The following ZAN variants were observed in gnomAD, a reference collection of about 807,000 sequenced individuals.
ZAN encodes zonadhesin, also known as zonadhesin (gene/pseudogene).
In ZAN, 260 loss-of-function variants were observed where a neutral mutation model predicts 286.2. The observed-to-expected ratio is 0.91, with a 90% confidence interval of 0.82 to 1.01. The LOEUF (loss-of-function observed/expected upper bound fraction) is 1.01, where lower values mean the gene tolerates loss of function less well. ZAN is among the 50% of genes least tolerant of loss of function. ZAN has a pLI of 0.00. For missense variants in ZAN, 3,410 were observed against 3,639.2 expected, an observed-to-expected ratio of 0.94 and a Z score of 1.62; for synonymous variants, 1,368 against 1,417.5, an observed-to-expected ratio of 0.97 and a Z score of 0.79.
rs545504927 is a variant in ZAN at position 100,776,773 on chromosome 7, C to T, written c.6317+209C>T. 9.7e-3 allele frequency among the ~76,000 whole-genome samples: 1,237 copies of T among 128,136 alleles called. 19 individuals carry two copies. The highest frequency in any genetic ancestry group is 0.015 in the Non-Finnish European group (928 of 62,366). The allele number at this position is 128,136 out of a possible 152,430, so 84.1% of individuals were successfully genotyped here. On this transcript the variant is annotated intron_variant, in intron 34 of 47. Coordinates refer to ENST00000613979, the MANE Select transcript of ZAN (RefSeq NM_003386.3). ...CGGAGTCTTGCTCTGTCGCCCAGGC[C>T]GGACTGCGGACTGCAGTGGCGCAAT...
intron 45 of ZAN, among the ~76,000 whole-genome samples, chr7:100,795,766 T>TGTGCTAAAAATACAAAAAGTTA (rs1300800631): frequency 1.3e-5 from 2 of 151,248 alleles, no homozygotes; most frequent in African/African-American, 4.9e-5. Context: ...GTTAGCCGGG[T>TGTGCTAAAAATACAAAAAGTTA]GTGGTGGTGT....
intron 7 of ZAN, among the ~76,000 whole-genome samples, chr7:100,742,889 G>GGGGGAGGGGGAGAGGGAGGGGGAGGGGGA (rs1562915052): frequency 1.8e-5 from 1 of 56,378 alleles, no homozygotes; most frequent in Non-Finnish European, 4.2e-5. Flanking sequence ...GGGAGGGGGA[G>GGGGGAGGGGGAGAGGGAGGGGGAGGGGGA]GGGGACGGGG....
Position 100,767,995 on chromosome 7 carries a change from G to A in ZAN, c.5025G>A (p.Gln1675=), listed in dbSNP as rs779163318. Reference sequence around the variant, plus strand: ...CAGTCCCCTCCTCCTATGGCGGCCAGCTCTGTGGGCTGTGTGGTGAGTTTC... The same window carrying A: ...CAGTCCCCTCCTCCTATGGCGGCCAACTCTGTGGGCTGTGTGGTGAGTTTC... ...EVTVPSSYGG[Q]LCGLCGNYNN... Residue 1675 remains glutamine, a synonymous_variant, in exon 26 of 48, where the codon CAG becomes CAA. Coordinates refer to ENST00000613979, the MANE Select transcript of ZAN (RefSeq NM_003386.3). 6.2e-7 allele frequency: 1 copy of A among 1,612,764 alleles called. No individual in the cohort carries two copies. Among genetic ancestry groups the A allele is most frequent in the Non-Finnish European group, 8.5e-7 (1 of 1,179,242 alleles).
intron 18 of ZAN, 137 bp downstream of exon 18, chr7:100,759,982 A>T: frequency 6.6e-6 from 9 of 1,360,226 alleles, no homozygotes; most frequent in Non-Finnish European, 8.7e-6. Context: ...GGGAGGCTAA[A>T]GTGGGAGGAT....
intron 11 of ZAN, among the ~76,000 whole-genome samples, chr7:100,749,484 C>CA (rs1244488271): frequency 6.8e-6 from 1 of 146,480 alleles, no homozygotes; most frequent in Non-Finnish European, 1.5e-5. Flanking sequence ...ACTAAAAACA[C>CA]AAAAAATTAG....
At chr7:100,764,278 G>T in intron 22 of ZAN, 82 bp downstream of exon 22, 2 of 1,417,020 alleles carry the variant, frequency 1.4e-6, no homozygotes, top group South Asian at 3.1e-5. Flanking sequence ...TCCGAGGCAG[G>T]TGGATCATGA....
At position 100,760,454 on chromosome 7, in the gene ZAN, G is replaced by A. The variant is rs745368314; in HGVS notation, c.3760G>A (p.Gly1254Arg). Residue 1254 changes from glycine to arginine, a missense_variant, in exon 19 of 48, where the codon GGG becomes AGG. Physicochemically the swap from Gly to Arg is moderately radical, Grantham distance 125 (BLOSUM62 -2). This residue lies in a region of ZAN where 1,042 missense variants were observed against 1,058.0 expected (regional missense o/e 0.98). Coordinates refer to ENST00000613979, the MANE Select transcript of ZAN (RefSeq NM_003386.3). Reference protein sequence around the residue: ...PSKGVFLGASGRFVELQTEFG... With the variant: ...PSKGVFLGASRRFVELQTEFG... ...TAAAGGCGTCTTCCTGGGTGCAAGC[G>A]GGCGGTTTGTGGAGCTGCAGACGGA... The A allele has an allele frequency of 8.7e-6, 14 of 1,613,824 alleles. No homozygotes were observed. Among genetic ancestry groups the A allele is most frequent in the East Asian group, 2.2e-5 (1 of 44,894 alleles).
chr7:100,742,858 C>G (rs867929926), intron 7 of ZAN, among the ~76,000 whole-genome samples: 6 of 7,308 alleles, frequency 8.2e-4, no homozygotes, highest in Middle Eastern at 0.1. Context: ...GAGAGGGAGA[C>G]GGAGACGGAG....
chr7:100,755,443 G>GT (rs1408030708), intron 15 of ZAN, 33 bp downstream of exon 15: 13 of 1,600,640 alleles, frequency 8.1e-6, no homozygotes, highest in Non-Finnish European at 1.1e-5. Flanking sequence ...GTCCCATGAG[G>GT]GAGATTGATG....
In ZAN at chr7:100,746,165, T is replaced by C. The variant is rs1387213113; in HGVS notation, c.767-373T>C. ...ATCACCTGAGCCCGGGGAGGTTGAG[T>C]CTGCAGTGAACCATGAGAGCCATGA... On this transcript the variant is annotated intron_variant, in intron 7 of 47. Transcript: ENST00000613979. 2.6e-5 allele frequency among the ~76,000 whole-genome samples: 4 copies of C among 151,750 alleles called. No homozygotes were observed. The East Asian group carries it at 5.8e-4, about 22-fold the overall frequency.
intron 19 of ZAN, among the ~76,000 whole-genome samples, chr7:100,761,340 CA>C (rs923610904): frequency 2.0e-5 from 3 of 151,968 alleles, no homozygotes; most frequent in African/African-American, 2.4e-5. Flanking sequence ...CATATCTCCA[CA>C]AAAAAATTTA....
rs1266927803 is a variant in ZAN at position 100,748,469 on chromosome 7, A to G, written c.1248A>G (p.Ala416=). ...GMGPAGGFPN[A]GGHYIYLEAD... ...GCCCTGCGGGAGGTTTCCCTAATGC[A>G]GGTGAGGAGATTGAGGAGCGCTCAC... is the stretch of plus-strand genomic sequence containing the variant. Residue 416 remains alanine, a splice_region_variant and synonymous_variant, in exon 11 of 48, where the codon GCA becomes GCG. Coordinates refer to ENST00000613979, the MANE Select transcript of ZAN (RefSeq NM_003386.3). 1.2e-6 allele frequency: 2 copies of G among 1,610,220 alleles called. No homozygotes were observed. The highest frequency in any genetic ancestry group is 2.7e-5 in the African/African-American group (2 of 74,892).
Position 100,735,937 on chromosome 7 carries a change from C to G in ZAN, c.106+165C>G, listed in dbSNP as rs769195085. Among the ~76,000 whole-genome samples the G allele has an allele frequency of 4.2e-5, 6 of 141,220 alleles. 1 individual carries two copies. The highest frequency in any genetic ancestry group is 6.3e-5 in the Non-Finnish European group (4 of 63,018). The allele number at this position is 141,220 out of a possible 152,430, so 92.6% of individuals were successfully genotyped here. A position where few individuals can be genotyped will look rare whatever the true frequency, so the allele number is the denominator to read the frequency against. On this transcript the variant is annotated intron_variant, in intron 3 of 47. Transcript: ENST00000613979. ...GTGTCCTGCCAGGCCAAGTCCAGCC[C>G]TCCAACCTCAGTTCATGACCCCGGA...
chr7:100,764,069 C>A lies in ZAN; in HGVS notation c.4140C>A (p.Ser1380Arg). The A allele has an allele frequency of 6.2e-7, 1 of 1,613,856 alleles. No individual in the cohort carries two copies. The highest frequency in any genetic ancestry group is 8.5e-7 in the Non-Finnish European group (1 of 1,179,838). ...LHVKAASFFD[S>R]CMLDMCGFQG... Reference sequence around the variant, plus strand: ...TGAAGGCCGCTTCCTTCTTCGACAGCTGCATGCTTGATATGTGCGGATTCC... The same window carrying A: ...TGAAGGCCGCTTCCTTCTTCGACAGATGCATGCTTGATATGTGCGGATTCC... Residue 1380 changes from serine (S) to arginine (R), a missense_variant, in exon 22 of 48, where the codon AGC becomes AGA. Transcript: ENST00000613979.
chr7:100,783,791 T>TATATATACACAC (rs1554409793), intron 35 of ZAN, among the ~76,000 whole-genome samples: 1 of 14,938 alleles, frequency 6.7e-5, no homozygotes, highest in African/African-American at 1.2e-4. Context: ...TATACACATA[T>TATATATACACAC]ATATATATAC....
Position 100,763,731 on chromosome 7 carries a change from CT to C in ZAN, c.3987-73del, listed in dbSNP as rs1809745542. Reference sequence around the variant, plus strand: ...GGTTTGCCGGTCCCGGCCTGCCAGCCTTGCTGCCTGCTGGGTTAGGGATGAG... The same window carrying C: ...GGTTTGCCGGTCCCGGCCTGCCAGCCTGCTGCCTGCTGGGTTAGGGATGAG... On this transcript the variant is annotated intron_variant, in intron 20 of 47. Coordinates refer to ENST00000613979, the MANE Select transcript of ZAN (RefSeq NM_003386.3). The surrounding 1 kb of genome is among the most constrained non-coding windows in gnomAD (Gnocchi z 4.6). 4 of 1,492,544 alleles carry C rather than the reference CT, an allele frequency of 2.7e-6. No homozygotes were observed. The African/African-American group carries it at 5.5e-5, about 21-fold the overall frequency. 92.5% of individuals were successfully genotyped at this position (1,492,544 alleles called of 1,614,324 possible).
At position 100,763,154 on chromosome 7, in the gene ZAN, G is replaced by C. The variant is rs766708184; in HGVS notation, c.3987-652G>C. ...TGATTTTTGTATTTTTAGTAGAGACGGGGTTTCATCATGTTGGCCAGGCTG... is the reference window on the plus strand; with the variant it reads ...TGATTTTTGTATTTTTAGTAGAGACCGGGTTTCATCATGTTGGCCAGGCTG... On this transcript the variant is annotated intron_variant, in intron 20 of 47. Coordinates refer to ENST00000613979, the MANE Select transcript of ZAN (RefSeq NM_003386.3). This position sits in a 1 kb window ranked among gnomAD's most constrained non-coding sequence, Gnocchi z 4.6. Among the ~76,000 whole-genome samples the C allele has an allele frequency of 6.6e-6, 1 of 151,728 alleles. No homozygotes were observed. Among genetic ancestry groups the C allele is most frequent in the Non-Finnish European group, 1.5e-5 (1 of 67,950 alleles).
intron 35 of ZAN, among the ~76,000 whole-genome samples, chr7:100,783,422 A>G (rs1385576960): frequency 6.6e-6 from 1 of 151,350 alleles, no homozygotes; most frequent in East Asian, 2.0e-4. Flanking sequence ...GTCCTATTAA[A>G]AGCACACACA....
At chr7:100,794,761 C>T (rs1489250523) in intron 44 of ZAN, among the ~76,000 whole-genome samples, 2 of 151,124 alleles carry the variant, frequency 1.3e-5, no homozygotes, top group African/African-American at 4.9e-5. Flanking sequence ...CACTTAAGCC[C>T]AAGAAATTGA....
Sources: gnomAD v4.1 joint callset for allele counts (sites outside exome capture counted in the v4.1 genomes callset) on GRCh38, gnomAD v4.1.1 for gene constraint, gnomAD v4.1.1 regional missense constraint, Gnocchi (gnomAD v3.1) non-coding constraint, MANE v1.5 for transcripts, NCBI Gene and HGNC (gene_info 2026-07-23, HGNC 2026-07-21) for gene names.